MGA: variants seen among roughly 807,000 people sequenced by gnomAD.
MGA encodes the protein MAX gene-associated protein.
A neutral mutation model predicts 261.1 loss-of-function variants in MGA; 40 were observed. The ratio of observed to expected loss-of-function variants is 0.15; its 90% CI spans 0.12 to 0.20. The LOEUF is 0.20. Ranked by LOEUF, MGA falls within the 10% of genes least tolerant of loss-of-function variation. The pLI is 1.00. For synonymous variants in MGA, 1,302 were observed against 1,290.6 expected (o/e 1.01, Z -0.19); for missense variants, 3,397 against 3,630.5 (o/e 0.94, Z 1.65).
At chr15:41,762,983 C>T (rs2063568948) in intron 22 of MGA, among the ~76,000 whole-genome samples, 1 of 151,834 alleles carries the variant, frequency 6.6e-6, no homozygotes, top group Admixed American at 6.6e-5. Context: ...CGTGATTTCC[C>T]TGCAGTTCTA....
At chr15:41,635,419 A>G (rs2056679980) in intron 1 of MGA, among the ~76,000 whole-genome samples, 1 of 151,790 alleles carries the variant, frequency 6.6e-6, no homozygotes, top group African/African-American at 2.4e-5. Flanking sequence ...ACACACACAC[A>G]CAAAATAAGG....
Position 41,749,832 on chromosome 15 carries a change from G to A in MGA, c.6225G>A (p.Lys2075=). 2 of 1,613,908 alleles carry A rather than the reference G, an allele frequency of 1.2e-6. No homozygotes were observed. Among genetic ancestry groups the A allele is most frequent in the Non-Finnish European group, 1.7e-6 (2 of 1,179,874 alleles). ...AAGAATATGGGGCTAGGAATCGTAA[G>A]AGTTCCAAAGAAAAAGTGGCTGTTC... Residue 2075 remains lysine (K), a synonymous_variant, in exon 17 of 24, where the codon AAG becomes AAA. Transcript: ENST00000219905.
intron 9 of MGA, among the ~76,000 whole-genome samples, chr15:41,714,932 T>C (rs2060550950): frequency 6.6e-6 from 1 of 152,314 alleles, no homozygotes. Context: ...TTTTTTTCTG[T>C]AAATTGCCTT....
intron 5 of MGA, among the ~76,000 whole-genome samples, chr15:41,700,513 A>G (rs1314385039): frequency 4.6e-5 from 7 of 151,896 alleles, no homozygotes; most frequent in Non-Finnish European, 7.4e-5. Flanking sequence ...TTCTGTTCCT[A>G]TGTTAGTTTG....
chr15:41,648,006 C>G (rs955772234), intron 1 of MGA, among the ~76,000 whole-genome samples: 1 of 152,138 alleles, frequency 6.6e-6, no homozygotes, highest in African/African-American at 2.4e-5. Context: ...TTCAGTTTGT[C>G]CAGAATCGAC....
intron 19 of MGA, among the ~76,000 whole-genome samples, chr15:41,758,196 T>A (rs1291592059): frequency 6.6e-6 from 1 of 152,134 alleles, no homozygotes; most frequent in African/African-American, 2.4e-5. Context: ...AAAACTATGC[T>A]CTGCAAAATG....
intron 9 of MGA, 82 bp from the exon 10 acceptor site, chr15:41,727,098 G>A (rs1345609842): frequency 2.0e-6 from 2 of 1,012,164 alleles, no homozygotes; most frequent in South Asian, 1.8e-5. Context: ...TTGTGAGGGA[G>A]CGTATTTTGT....
rs766267875 is a variant in MGA, at chr15:41,762,149, C to T, written c.7531C>T (p.Leu2511=). 1 of 1,613,306 alleles carries T rather than the reference C, an allele frequency of 6.2e-7. No homozygotes were observed. Among genetic ancestry groups the T allele is most frequent in the South Asian group, 1.1e-5 (1 of 90,996 alleles). The change falls in exon 22 of 24, where the codon CTG becomes TTG. Residue 2511 remains leucine, a synonymous_variant. Transcript: ENST00000219905. ...TACAGGTAAGACAGAAGAAGTGGTCCTGAAGAAGCTAGAGTATATTTATGC... is the reference window on the plus strand; with the variant it reads ...TACAGGTAAGACAGAAGAAGTGGTCTTGAAGAAGCTAGAGTATATTTATGC...
chr15:41,690,139 C>G (rs2059197179), intron 2 of MGA, among the ~76,000 whole-genome samples: 1 of 152,182 alleles, frequency 6.6e-6, no homozygotes, highest in Non-Finnish European at 1.5e-5. Flanking sequence ...CCACCTGTCT[C>G]TGTCTCTGTA....
intron 20 of MGA, 107 bp from the exon 21 acceptor site, chr15:41,761,632 T>A (rs967015291): frequency 3.3e-6 from 2 of 607,424 alleles, no homozygotes; most frequent in African/African-American, 1.9e-5. Context: ...AAAATTCTCT[T>A]AAGATGTCAG....
intron 11 of MGA, among the ~76,000 whole-genome samples, chr15:41,733,197 A>AT (rs1392380848): frequency 6.6e-6 from 1 of 152,110 alleles, no homozygotes; most frequent in Non-Finnish European, 1.5e-5. Context: ...ACCTCAGGTG[A>AT]TCCACCCACC....
At position 41,766,885 on chromosome 15, in the gene MGA, A is replaced by C; in HGVS notation, c.8803A>C (p.Lys2935Gln). 6.2e-7 allele frequency: 1 copy of C among 1,614,010 alleles called. No individual in the cohort carries two copies. Among genetic ancestry groups the C allele is most frequent in the Non-Finnish European group, 8.5e-7 (1 of 1,179,890 alleles). The change falls in exon 24 of 24, where the codon AAG becomes CAG. Residue 2935 changes from lysine to glutamine, a missense_variant. Lys to Gln is a moderately conservative substitution (Grantham distance 53). Around this residue, in one of 9 missense-constraint regions of MGA, gnomAD observed 647 missense variants for 642.4 expected, o/e 1.01. Coordinates refer to ENST00000219905, the MANE Select transcript of MGA (RefSeq NM_001164273.2). ...TAAGATTGTTATTGACTCTGAAATA[A>C]AGGATTCCCTCCTTTCCAACAAGAA...
chr15:41,667,222 T>G (rs1300852986), intron 1 of MGA, among the ~76,000 whole-genome samples: 1 of 152,162 alleles, frequency 6.6e-6, no homozygotes, highest in Non-Finnish European at 1.5e-5. Flanking sequence ...AGGAAGCCTT[T>G]AAAAATTATT....
chr15:41,682,434 C>G (rs1018189727), intron 2 of MGA, among the ~76,000 whole-genome samples: 1 of 152,132 alleles, frequency 6.6e-6, no homozygotes, highest in Non-Finnish European at 1.5e-5. Context: ...CCTTTGCTAT[C>G]ATCCTGCTAA....
chr15:41,663,472 T>TTTA (rs1028828703), intron 1 of MGA, among the ~76,000 whole-genome samples: 37 of 136,128 alleles, frequency 2.7e-4, no homozygotes, highest in South Asian at 2.0e-3. Flanking sequence ...TTTTCTTTTC[T>TTTA]TTATTATTAT....
chr15:41,625,682 C>G (rs1840187901), intron 1 of MGA, among the ~76,000 whole-genome samples: 1 of 151,710 alleles, frequency 6.6e-6, no homozygotes, highest in Admixed American at 6.6e-5. Context: ...CCACTGCACT[C>G]CAGCCTGGGC....
intron 2 of MGA, among the ~76,000 whole-genome samples, chr15:41,671,920 A>G (rs939530714): frequency 6.6e-6 from 1 of 152,132 alleles, no homozygotes; most frequent in South Asian, 2.1e-4. Flanking sequence ...TTGCTGTGGT[A>G]TTGTTTGTAA....
At chr15:41,621,239 T>C (rs2056272039) in exon 1 of MGA, 1 of 152,132 alleles carries the variant, frequency 6.6e-6, no homozygotes, top group Non-Finnish European at 1.5e-5. Flanking sequence ...CCGGCGTGCA[T>C]CGGGGAGCGC....
chr15:41,663,766 C>T (rs977386838), intron 1 of MGA, among the ~76,000 whole-genome samples: 4 of 152,068 alleles, frequency 2.6e-5, no homozygotes, highest in Admixed American at 6.6e-5. Context: ...CCACCGCTCC[C>T]GGCCTAGCCT....
Sources: allele counts gnomAD v4.1 joint callset (sites outside exome capture counted in the v4.1 genomes callset), GRCh38; gene constraint gnomAD v4.1.1; regional missense constraint gnomAD v4.1.1; transcripts MANE v1.5; gene names NCBI Gene and HGNC (gene_info 2026-07-23, HGNC 2026-07-21).